Variants in SMYD3 observed in about 807,000 individuals in gnomAD.
SMYD3 encodes SET and MYND domain containing 3.
A neutral mutation model predicts 57.7 loss-of-function variants in SMYD3; 36 were observed. The ratio of observed to expected loss-of-function variants is 0.62; its 90% CI spans 0.48 to 0.82. The LOEUF is 0.82. Among genes scored for constraint, SMYD3 ranks in the 40% least tolerant of loss-of-function variants. The pLI is 0.00. For missense variants in SMYD3, 515 were observed against 538.8 expected (o/e 0.96, Z 0.44); for synonymous variants, 211 against 195.0 (o/e 1.08, Z -0.68).
chr1:246,082,021 G>A (rs879854255), intron 5 of SMYD3, among the ~76,000 whole-genome samples: 6 of 152,168 alleles, frequency 3.9e-5, no homozygotes, highest in Admixed American at 6.5e-5. Context: ...GGAATCTGGC[G>A]TGACTAACTT....
chr1:246,302,562 T>TTATA (rs535473185), intron 5 of SMYD3, among the ~76,000 whole-genome samples: 1 of 152,042 alleles, frequency 6.6e-6, no homozygotes, highest in South Asian at 2.1e-4. Flanking sequence ...TTACAATGAT[T>TTATA]TATATATATA....
chr1:245,936,625 C>T (rs946146), intron 5 of SMYD3, among the ~76,000 whole-genome samples: 145,024 of 152,314 alleles, frequency 0.95, 69,430 homozygotes, highest in Non-Finnish European at 1. Flanking sequence ...CCAGGCGCAG[C>T]GGCTCACTCC....
intron 3 of SMYD3, among the ~76,000 whole-genome samples, chr1:246,333,927 C>G (rs1241711718): frequency 6.6e-6 from 1 of 152,000 alleles, no homozygotes; most frequent in Admixed American, 6.6e-5. Flanking sequence ...CAAGAACAGA[C>G]ACTTCTCAAA....
intron 1 of SMYD3, among the ~76,000 whole-genome samples, chr1:246,456,996 T>C (rs1319497406): frequency 2.6e-5 from 4 of 152,164 alleles, no homozygotes; most frequent in African/African-American, 9.7e-5. Flanking sequence ...CCCCAAAGAA[T>C]ATCGAATTTA....
At chr1:246,038,519 G>A (rs939823320) in intron 5 of SMYD3, among the ~76,000 whole-genome samples, 6 of 152,154 alleles carry the variant, frequency 3.9e-5, no homozygotes, top group African/African-American at 9.7e-5. Context: ...CATGTGCCTC[G>A]GGTAACTCTC....
intron 5 of SMYD3, among the ~76,000 whole-genome samples, chr1:246,273,572 A>G (rs1161260358): frequency 8.7e-6 from 1 of 114,922 alleles, no homozygotes; most frequent in Non-Finnish European, 1.8e-5. Flanking sequence ...TGGTTTCACT[A>G]ATCTTTTTTT....
intron 5 of SMYD3, among the ~76,000 whole-genome samples, chr1:246,008,631 T>G (rs2059221110): frequency 6.6e-6 from 1 of 152,194 alleles, no homozygotes; most frequent in South Asian, 2.1e-4. Context: ...GAAGTTTTCC[T>G]TTCCTTTCTC....
intron 10 of SMYD3, among the ~76,000 whole-genome samples, chr1:245,796,522 T>C (rs547775487): frequency 7.2e-5 from 11 of 152,290 alleles, no homozygotes; most frequent in South Asian, 2.1e-4. Context: ...AAAGGCAGCA[T>C]GAATGGGCTA....
intron 5 of SMYD3, among the ~76,000 whole-genome samples, chr1:246,200,008 G>A (rs1439398805): frequency 6.6e-6 from 1 of 151,806 alleles, no homozygotes; most frequent in Non-Finnish European, 1.5e-5. Flanking sequence ...CACTGTAATA[G>A]AGAAGATAGA....
intron 5 of SMYD3, among the ~76,000 whole-genome samples, chr1:245,993,106 CGTTTACTGGGT>C (rs2058841915): frequency 1.3e-5 from 2 of 152,236 alleles, no homozygotes; most frequent in Admixed American, 1.3e-4. Context: ...CTGCACTCAA[CGTTTACTGGGT>C]GTTCATCATG....
At chr1:246,265,525 G>A (rs908634360) in intron 5 of SMYD3, among the ~76,000 whole-genome samples, 2 of 152,138 alleles carry the variant, frequency 1.3e-5, no homozygotes, top group African/African-American at 2.4e-5. Flanking sequence ...AAAGAGACAA[G>A]AGGCTGACTC....
intron 5 of SMYD3, among the ~76,000 whole-genome samples, chr1:246,020,438 G>A (rs75635756): frequency 0.011 from 1,718 of 152,316 alleles, 18 homozygotes; most frequent in Middle Eastern, 0.034. Flanking sequence ...TACAAAGTCT[G>A]TAAATTCTGT....
At chr1:246,188,138 AG>A (rs1297145298) in intron 5 of SMYD3, among the ~76,000 whole-genome samples, 2 of 152,214 alleles carry the variant, frequency 1.3e-5, no homozygotes, top group Non-Finnish European at 2.9e-5. Context: ...CTCCCTGCAT[AG>A]GAAGTCAAAC....
intron 5 of SMYD3, among the ~76,000 whole-genome samples, chr1:246,320,032 T>C (rs2065220699): frequency 6.6e-6 from 1 of 152,180 alleles, no homozygotes; most frequent in African/African-American, 2.4e-5. Flanking sequence ...GAATATAGTA[T>C]CACGATTTTC....
At chr1:245,783,677 T>C (rs2046924368) in intron 10 of SMYD3, among the ~76,000 whole-genome samples, 1 of 152,196 alleles carries the variant, frequency 6.6e-6, no homozygotes, top group Admixed American at 6.5e-5. Context: ...CTAGATCTAA[T>C]AAGTGAATTA....
intron 5 of SMYD3, among the ~76,000 whole-genome samples, chr1:246,048,051 C>G (rs1395234355): frequency 1.3e-5 from 2 of 151,850 alleles, no homozygotes; most frequent in Non-Finnish European, 1.5e-5. Context: ...GTTGATGTCA[C>G]AAAGAACACC....
At chr1:246,195,732 AC>A (rs1445512546) in intron 5 of SMYD3, among the ~76,000 whole-genome samples, 8 of 152,170 alleles carry the variant, frequency 5.3e-5, no homozygotes, top group Non-Finnish European at 7.3e-5. Flanking sequence ...CTAAGTCATG[AC>A]CCTGCAGGTC....
At chr1:246,402,754 A>T (rs1396219341) in intron 1 of SMYD3, among the ~76,000 whole-genome samples, 1 of 152,186 alleles carries the variant, frequency 6.6e-6, no homozygotes, top group African/African-American at 2.4e-5. Context: ...CCTAAATAAA[A>T]CATGAGCAAG....
intron 5 of SMYD3, among the ~76,000 whole-genome samples, chr1:246,136,202 C>T (rs986365527): frequency 6.6e-6 from 1 of 152,148 alleles, no homozygotes; most frequent in Admixed American, 6.5e-5. Flanking sequence ...AGCTTTCAGG[C>T]CAGCTCTAAT....
Sources: allele counts gnomAD v4.1 joint callset (sites outside exome capture counted in the v4.1 genomes callset), GRCh38; gene constraint gnomAD v4.1.1; transcripts MANE v1.5; gene names NCBI Gene and HGNC (gene_info 2026-07-23, HGNC 2026-07-21).